RNF138: variants seen among roughly 807,000 people sequenced by gnomAD.
RNF138 encodes the protein ring finger protein 138, also known as E3 ubiquitin-protein ligase RNF138.
Under a neutral mutation model 31.0 loss-of-function variants are expected in RNF138, and 12 were observed. The observed-to-expected ratio is 0.39, with a 90% confidence interval of 0.25 to 0.63. The LOEUF (loss-of-function observed/expected upper bound fraction) is 0.63, where lower values mean the gene tolerates loss of function less well. Among genes scored for constraint, RNF138 ranks in the 20% least tolerant of loss-of-function variants. RNF138 has a pLI of 0.52. For missense variants in RNF138, 192 were observed against 300.1 expected (o/e 0.64, Z 2.66); for synonymous variants, 105 against 99.5 (o/e 1.06, Z -0.33).
intron 1 of RNF138, 26 bp downstream of exon 1, chr18:32,092,261 G>A (rs2039703028): frequency 6.5e-6 from 1 of 153,304 alleles, no homozygotes; most frequent in Non-Finnish European, 1.5e-5. Context: ...GCGGAAGCGT[G>A]GAGGGGCCGG....
rs1339964595 is a variant in RNF138, at chr18:32,129,607, A to G, written c.*420A>G. ...ATAACCTAACAAATCTGAGCCAGTT[A>G]TTATTAGAGTTGCAGAATAGAAACT... On this transcript the variant is annotated 3_prime_UTR_variant, in exon 8 of 8. Transcript: ENST00000261593. 1.9e-5 allele frequency: 3 copies of G among 154,276 alleles called. No homozygotes were observed. The highest frequency in any genetic ancestry group is 4.8e-5 in the African/African-American group (2 of 41,492). 9.6% of individuals were successfully genotyped at this position (154,276 alleles called of 1,614,324 possible).
chr18:32,095,047 A>G (rs533194371), intron 2 of RNF138, among the ~76,000 whole-genome samples: 2 of 152,352 alleles, frequency 1.3e-5, no homozygotes, highest in East Asian at 3.9e-4. Context: ...TTCTGCCTGA[A>G]CAATGAATTA....
chr18:32,115,251 T>G (rs1196334390), intron 4 of RNF138, among the ~76,000 whole-genome samples: 1 of 152,162 alleles, frequency 6.6e-6, no homozygotes, highest in African/African-American at 2.4e-5. Context: ...CTCCCCCTTA[T>G]TTCTTAGATC....
intron 4 of RNF138, among the ~76,000 whole-genome samples, chr18:32,119,820 T>C (rs2040275228): frequency 6.6e-6 from 1 of 152,246 alleles, no homozygotes; most frequent in Admixed American, 6.5e-5. Flanking sequence ...TTTTTGTTGC[T>C]ATAAAAATGA....
intron 3 of RNF138, 102 bp downstream of exon 3, chr18:32,112,021 T>C: frequency 9.5e-7 from 1 of 1,053,710 alleles, no homozygotes. Context: ...TTTGAAAAGA[T>C]GAAAGGTATT....
Position 32,125,056 on chromosome 18 carries a change from A to G in RNF138, c.561+211A>G, listed in dbSNP as rs535034143. On this transcript the variant is annotated intron_variant, in intron 6 of 7. Coordinates refer to ENST00000261593, the MANE Select transcript of RNF138 (RefSeq NM_016271.5). ...ACTCTCATTATAAAAAGGGAGATGC[A>G]TAGTGTGAGGTAATATAGCACAGTC... 27 of 491,506 alleles carry G rather than the reference A, an allele frequency of 5.5e-5. No individual in the cohort carries two copies. In the South Asian group the frequency reaches 6.0e-4, roughly 11 times the overall value. The allele number at this position is 491,506 out of a possible 1,614,324, so 30.4% of individuals were successfully genotyped here. A position where few individuals can be genotyped will look rare whatever the true frequency, so the allele number is the denominator to read the frequency against.
At chr18:32,107,814 C>T (rs1283102136) in intron 2 of RNF138, among the ~76,000 whole-genome samples, 2 of 151,150 alleles carry the variant, frequency 1.3e-5, no homozygotes, top group Admixed American at 1.3e-4. Context: ...ACTGTGCCGG[C>T]CTTATTTAAT....
intron 2 of RNF138, among the ~76,000 whole-genome samples, chr18:32,099,950 A>G (rs1711751220): frequency 1.3e-5 from 2 of 152,232 alleles, no homozygotes; most frequent in Admixed American, 1.3e-4. Context: ...GATACATCAC[A>G]CAAGAATAAT....
chr18:32,108,415 C>T (rs1016414487), intron 2 of RNF138, among the ~76,000 whole-genome samples: 7 of 152,074 alleles, frequency 4.6e-5, no homozygotes, highest in African/African-American at 1.7e-4. Flanking sequence ...AAAATAGAAT[C>T]GTGCAGTTTG....
intron 2 of RNF138, among the ~76,000 whole-genome samples, chr18:32,097,726 T>C (rs2039835396): frequency 6.6e-6 from 1 of 152,104 alleles, no homozygotes; most frequent in Admixed American, 6.6e-5. Context: ...TTTCACTATA[T>C]TGGCCAGGCT....
At chr18:32,127,540 C>A (rs1158817126) in intron 7 of RNF138, among the ~76,000 whole-genome samples, 1 of 152,146 alleles carries the variant, frequency 6.6e-6, no homozygotes, top group Non-Finnish European at 1.5e-5. Flanking sequence ...GTTGAAATTA[C>A]ATCATTCTTG....
chr18:32,106,280 C>A (rs968327250), intron 2 of RNF138, among the ~76,000 whole-genome samples: 1 of 152,034 alleles, frequency 6.6e-6, no homozygotes, highest in Non-Finnish European at 1.5e-5. Flanking sequence ...TTTTAGTGTG[C>A]GGGTATGCAG....
intron 2 of RNF138, among the ~76,000 whole-genome samples, chr18:32,097,900 A>G (rs1284392149): frequency 6.6e-6 from 1 of 151,268 alleles, no homozygotes; most frequent in African/African-American, 2.4e-5. Context: ...GTATATGTGT[A>G]TGTATGTGTA....
At chr18:32,128,648 G>A (rs1183968616) in intron 7 of RNF138, among the ~76,000 whole-genome samples, 1 of 152,036 alleles carries the variant, frequency 6.6e-6, no homozygotes, top group African/African-American at 2.4e-5. Context: ...ATGATTGTGT[G>A]TTATGATTAA....
At chr18:32,108,996 C>T (rs1240558666) in intron 2 of RNF138, among the ~76,000 whole-genome samples, 1 of 152,178 alleles carries the variant, frequency 6.6e-6, no homozygotes, top group East Asian at 1.9e-4. Context: ...TGGGTATATA[C>T]TTCAGAGTGG....
intron 4 of RNF138, among the ~76,000 whole-genome samples, chr18:32,119,358 C>T (rs112165520): frequency 0.014 from 2,084 of 152,308 alleles, 54 homozygotes; most frequent in African/African-American, 0.048. Flanking sequence ...CCTTGGCCTC[C>T]TAAAGTGTTG....
intron 2 of RNF138, among the ~76,000 whole-genome samples, chr18:32,101,810 G>T (rs1228082250): frequency 2.6e-5 from 4 of 151,966 alleles, no homozygotes; most frequent in Admixed American, 6.6e-5. Context: ...AGTTCATAGT[G>T]GTGTCTAGAA....
chr18:32,124,087 CT>C (rs1291582567), intron 5 of RNF138: 2 of 152,556 alleles, frequency 1.3e-5, no homozygotes, highest in Non-Finnish European at 2.9e-5. Context: ...TAGTTATTCT[CT>C]TTCACTGTGG....
chr18:32,098,304 A>T (rs1024443225), intron 2 of RNF138, among the ~76,000 whole-genome samples: 7 of 151,716 alleles, frequency 4.6e-5, no homozygotes, highest in African/African-American at 1.7e-4. Context: ...CTGCGCCCAC[A>T]ATATATTTCT....
Sources: gnomAD v4.1 joint callset for allele counts (sites outside exome capture counted in the v4.1 genomes callset) on GRCh38, gnomAD v4.1.1 for gene constraint, MANE v1.5 for transcripts, NCBI Gene and HGNC (gene_info 2026-07-23, HGNC 2026-07-21) for gene names.